The following TUT4 variants were observed in gnomAD, a reference collection of about 807,000 sequenced individuals.
TUT4 encodes the protein terminal uridylyltransferase 4.
In TUT4, 36 loss-of-function variants were observed where a neutral mutation model predicts 192.2. That is an observed-to-expected ratio of 0.19 (90% CI 0.14 to 0.25). The LOEUF is 0.25. Among genes scored for constraint, TUT4 ranks in the 10% least tolerant of loss-of-function variants. The pLI, the probability that TUT4 is intolerant of heterozygous loss-of-function variation, is 1.00. For synonymous variants in TUT4, 618 were observed against 666.0 expected (o/e 0.93, Z 1.11); for missense variants, 1,493 against 1,957.2 (o/e 0.76, Z 4.47).
chr1:52,513,079 C>T (rs1333924604), intron 3 of TUT4, among the ~76,000 whole-genome samples: 1 of 150,080 alleles, frequency 6.7e-6, no homozygotes, highest in Non-Finnish European at 1.5e-5. Flanking sequence ...GCCGAGACCG[C>T]GCCACTGCAC....
intron 28 of TUT4, among the ~76,000 whole-genome samples, chr1:52,427,987 G>A (rs971501861): frequency 9.2e-5 from 14 of 152,086 alleles, no homozygotes; most frequent in Admixed American, 3.9e-4. Context: ...AGGAAATACA[G>A]GGACAGAGGT....
At position 52,423,699 on chromosome 1, in the gene TUT4, A is replaced by G. The variant is rs573392491; in HGVS notation, c.*236T>C. ...TCACTCAATTTGGTGATACTAGTAA[A>G]AACTATAGTTCATATTTATATACAA... On this transcript the variant is annotated 3_prime_UTR_variant, in exon 30 of 30. Transcript: ENST00000257177. 2.2e-6 allele frequency: 2 copies of G among 925,864 alleles called. No homozygotes were observed. The highest frequency in any genetic ancestry group is 6.3e-5 in the East Asian group (2 of 31,916). 57.4% of individuals were successfully genotyped at this position (925,864 alleles called of 1,614,324 possible).
At chr1:52,434,237 T>C (rs1653026868) in intron 27 of TUT4, 1 of 152,248 alleles carries the variant, frequency 6.6e-6, no homozygotes, top group Non-Finnish European at 1.5e-5. Context: ...CTTCAAATAC[T>C]TGAATGTTTT....
chr1:52,540,499 A>G (rs1249495705), intron 1 of TUT4, among the ~76,000 whole-genome samples: 2 of 147,528 alleles, frequency 1.4e-5, no homozygotes, highest in African/African-American at 5.0e-5. Context: ...TGGGCGAAAG[A>G]GCAAGACTCC....
intron 2 of TUT4, among the ~76,000 whole-genome samples, chr1:52,525,116 G>A (rs568595818): frequency 6.6e-6 from 1 of 152,268 alleles, no homozygotes; most frequent in South Asian, 2.1e-4. Flanking sequence ...CTATCAGACT[G>A]GAAGCTTCCT....
chr1:52,493,965 CT>C (rs74540967), intron 6 of TUT4, among the ~76,000 whole-genome samples: 4,836 of 132,740 alleles, frequency 0.036, 181 homozygotes, highest in African/African-American at 0.098. Flanking sequence ...CCAGCTAATA[CT>C]TTTTTTTTTT....
rs757709421 is a variant in TUT4 at position 52,472,043 on chromosome 1, T to C, written c.2787A>G (p.Pro929=). The C allele has an allele frequency of 1.5e-5, 24 of 1,613,846 alleles. No homozygotes were observed. The highest frequency in any genetic ancestry group is 6.7e-5 in the Admixed American group (4 of 60,008). The part of the protein sequence containing the change: ...KKDGHSKNDC[P]EDFRKIDLKP... ...TTAAATCAATTTTCCTAAAATCCTCTGGGCAATCATTCTTTGAATGGCCAT... is the reference window on the plus strand; with the variant it reads ...TTAAATCAATTTTCCTAAAATCCTCCGGGCAATCATTCTTTGAATGGCCAT... The change falls in exon 14 of 30, where the codon CCA becomes CCG. Residue 929 remains proline, a synonymous_variant. Coordinates refer to ENST00000257177, the MANE Select transcript of TUT4 (RefSeq NM_001009881.3).
chr1:52,505,857 G>GATGA (rs1675406880), intron 4 of TUT4, among the ~76,000 whole-genome samples: 1 of 151,786 alleles, frequency 6.6e-6, no homozygotes, highest in Admixed American at 6.6e-5. Context: ...TGTTTTTTGA[G>GATGA]ATGAAGTCTT....
chr1:52,526,148 T>C lies in TUT4; in HGVS notation c.133A>G (p.Ile45Val). 1 of 1,613,010 alleles carries C rather than the reference T, an allele frequency of 6.2e-7. No individual in the cohort carries two copies. The highest frequency in any genetic ancestry group is 2.2e-5 in the East Asian group (1 of 44,874). ...TTCCTATTTGGAGAGCTGTTCTCAA[T>C]TTCTTTTACGGATTTATCATTTCTA... is the stretch of plus-strand genomic sequence containing the variant. ...KARNDKSVKEIENSSPNRNSS... is the reference protein window; with the variant it reads ...KARNDKSVKEVENSSPNRNSS... The change falls in exon 2 of 30, where the codon ATT becomes GTT. Residue 45 changes from isoleucine to valine, a missense_variant. Coordinates refer to ENST00000257177, the MANE Select transcript of TUT4 (RefSeq NM_001009881.3).
At chr1:52,463,146 C>T (rs1382786004) in intron 16 of TUT4, 7 of 982,186 alleles carry the variant, frequency 7.1e-6, no homozygotes, top group Middle Eastern at 5.2e-4. Flanking sequence ...TTCAACTTCC[C>T]AGTAGGAATG....
chr1:52,482,688 C>T (rs1209740332), intron 9 of TUT4, among the ~76,000 whole-genome samples: 1 of 152,172 alleles, frequency 6.6e-6, no homozygotes, highest in East Asian at 1.9e-4. Context: ...CCCCGCTCGG[C>T]CTCCCAAAGT....
chr1:52,535,321 T>G (rs993105417), intron 1 of TUT4, among the ~76,000 whole-genome samples: 1 of 152,190 alleles, frequency 6.6e-6, no homozygotes, highest in Non-Finnish European at 1.5e-5. Flanking sequence ...TCCTAGGTGA[T>G]TTCCTCAACT....
chr1:52,435,610 C>T (rs900412550), intron 26 of TUT4, 145 bp from the exon 27 acceptor site: 8 of 630,384 alleles, frequency 1.3e-5, no homozygotes, highest in Admixed American at 3.0e-5. Context: ...AGTATATTAA[C>T]GAAGGACTTG....
intron 5 of TUT4, among the ~76,000 whole-genome samples, 156 bp from the exon 6 acceptor site, chr1:52,495,671 A>C (rs1406483641): frequency 6.6e-6 from 1 of 152,180 alleles, no homozygotes; most frequent in African/African-American, 2.4e-5. Flanking sequence ...ACTGATCTAT[A>C]GAATAAAAAA....
intron 1 of TUT4, among the ~76,000 whole-genome samples, chr1:52,544,998 A>G (rs1301615157): frequency 6.6e-6 from 1 of 150,920 alleles, no homozygotes; most frequent in East Asian, 1.9e-4. Flanking sequence ...TCAAGGCTGC[A>G]CTGAGCCATG....
At chr1:52,522,927 AAAAT>A (rs1680670775) in intron 2 of TUT4, among the ~76,000 whole-genome samples, 1 of 152,086 alleles carries the variant, frequency 6.6e-6, no homozygotes, top group African/African-American at 2.4e-5. Context: ...TCTGTCTCAA[AAAAT>A]AAATAATCTT....
At chr1:52,522,817 T>G (rs1046772813) in intron 2 of TUT4, among the ~76,000 whole-genome samples, 1 of 151,766 alleles carries the variant, frequency 6.6e-6, no homozygotes, top group African/African-American at 2.4e-5. Flanking sequence ...TCCCAGCTAC[T>G]TGGGAGGCTG....
In TUT4 at chr1:52,431,066, G is replaced by A. The variant is rs1205455727; in HGVS notation, c.4658C>T (p.Pro1553Leu). 1 of 1,613,082 alleles carries A rather than the reference G, an allele frequency of 6.2e-7. No homozygotes were observed. Among genetic ancestry groups the A allele is most frequent in the Non-Finnish European group, 8.5e-7 (1 of 1,179,362 alleles). ...CAGGGAATTTGGAGCCACAGTACGG[G>A]GCCAGTGTCCATCGTGAGACGTGTT... ...IPNTSHDGHWPRTVAPNSLVN... is the reference protein window; with the variant it reads ...IPNTSHDGHWLRTVAPNSLVN... Residue 1553 changes from proline to leucine, a missense_variant, in exon 28 of 30, where the codon CCC becomes CTC. Transcript: ENST00000257177.
intron 28 of TUT4, 137 bp from the exon 29 acceptor site, chr1:52,425,644 CT>C: frequency 1.9e-6 from 2 of 1,076,880 alleles, no homozygotes; most frequent in African/African-American, 1.6e-5. Flanking sequence ...ACCAAACAAA[CT>C]TTTTTAAAGA....
Sources: allele counts gnomAD v4.1 joint callset (sites outside exome capture counted in the v4.1 genomes callset), GRCh38; gene constraint gnomAD v4.1.1; transcripts MANE v1.5; gene names NCBI Gene and HGNC (gene_info 2026-07-23, HGNC 2026-07-21).